The following PPP6R2 variants were observed in gnomAD, a reference collection of about 807,000 sequenced individuals.
PPP6R2 encodes the protein serine/threonine-protein phosphatase 6 regulatory subunit 2.
A neutral mutation model predicts 100.2 loss-of-function variants in PPP6R2; 62 were observed. That is an observed-to-expected ratio of 0.62 (90% CI 0.50 to 0.76). The LOEUF (loss-of-function observed/expected upper bound fraction) is 0.76. Ranked by LOEUF, PPP6R2 falls within the 30% of genes least tolerant of loss-of-function variation. PPP6R2 has a pLI of 0.00. For missense variants in PPP6R2, 1,142 were observed against 1,276.3 expected (o/e 0.89, Z 1.60); for synonymous variants, 525 against 514.7 (o/e 1.02, Z -0.27).
chr22:50,435,380 G>A (rs573865084), intron 13 of PPP6R2, among the ~76,000 whole-genome samples: 31 of 152,346 alleles, frequency 2.0e-4, no homozygotes, highest in South Asian at 4.1e-4. Flanking sequence ...CTCAGAAGCC[G>A]TTAGCGCCAC....
upstream of PPP6R2, among the ~76,000 whole-genome samples, chr22:50,339,561 GTGTGGTA>G: frequency 7.3e-6 from 1 of 136,790 alleles, no homozygotes; most frequent in South Asian, 2.5e-4. Flanking sequence ...TGTGTGGTGT[GTGTGGTA>G]TGTAGTGTGT....
At chr22:50,366,202 G>A (rs571643654) in intron 1 of PPP6R2, among the ~76,000 whole-genome samples, 5 of 152,214 alleles carry the variant, frequency 3.3e-5, no homozygotes, top group African/African-American at 1.2e-4. Flanking sequence ...CTGCCACTGA[G>A]GCAAACGTCT....
At chr22:50,443,840 A>G in intron 22 of PPP6R2, 26 bp from the exon 23 acceptor site, 2 of 1,553,278 alleles carry the variant, frequency 1.3e-6, no homozygotes, top group Non-Finnish European at 1.7e-6. Context: ...GGGTGCCCGT[A>G]ACCGGAGTCC....
Position 50,431,309 on chromosome 22 carries a change from A to T in PPP6R2, c.1262A>T (p.His421Leu). The change falls in exon 11 of 24, where the codon CAT becomes CTT. Residue 421 changes from histidine to leucine, a missense_variant. His to Leu is a moderately conservative substitution (Grantham distance 99). Around this residue, in one of 2 missense-constraint regions of PPP6R2, gnomAD observed 592 missense variants for 758.9 expected, o/e 0.78. Coordinates refer to ENST00000612753, the MANE Select transcript of PPP6R2 (RefSeq NM_001242898.2). This position sits in a 1 kb window ranked among gnomAD's most constrained non-coding sequence, Gnocchi z 4.8. ...SGSESRVEPPHENGNRSLETP... is the reference protein window; with the variant it reads ...SGSESRVEPPLENGNRSLETP... ...TCCGAGAGCAGGGTGGAGCCTCCGC[A>T]TGAGAACGGGAACCGGAGCCTGGAG... is the stretch of plus-strand genomic sequence containing the variant. 9 of 1,613,326 alleles carry T rather than the reference A, an allele frequency of 5.6e-6. No individual in the cohort carries two copies. The highest frequency in any genetic ancestry group is 7.6e-6 in the Non-Finnish European group (9 of 1,180,016).
chr22:50,348,985 A>C (rs972329751), intron 1 of PPP6R2, among the ~76,000 whole-genome samples: 3 of 151,902 alleles, frequency 2.0e-5, no homozygotes, highest in African/African-American at 7.3e-5. Flanking sequence ...TGAGGTCAGG[A>C]GTTCGAGACC....
chr22:50,422,505 G>A, intron 9 of PPP6R2, 125 bp downstream of exon 9: 4 of 1,295,396 alleles, frequency 3.1e-6, no homozygotes, highest in Non-Finnish European at 4.1e-6. Flanking sequence ...TTCTAAGACG[G>A]CCATTCCCAC....
intron 2 of PPP6R2, among the ~76,000 whole-genome samples, chr22:50,388,017 C>T (rs2054592482): frequency 6.6e-6 from 1 of 152,074 alleles, no homozygotes; most frequent in African/African-American, 2.4e-5. Flanking sequence ...AAGAACAAAA[C>T]AGTGGCTGGG....
intron 2 of PPP6R2, among the ~76,000 whole-genome samples, chr22:50,373,219 T>G (rs1461610360): frequency 6.6e-6 from 1 of 151,262 alleles, no homozygotes; most frequent in African/African-American, 2.4e-5. Flanking sequence ...CTGGATAAAT[T>G]AGAATAAATA....
At chr22:50,336,604 G>A in the PPP6R2 span, among the ~76,000 whole-genome samples, 1 of 150,880 alleles carries the variant, frequency 6.6e-6, no homozygotes, top group Non-Finnish European at 1.5e-5. Context: ...GTATTGTCCT[G>A]GCTGGTCTCA....
chr22:50,437,174 G>C (rs1603412467), intron 15 of PPP6R2, 106 bp downstream of exon 15: 1 of 1,161,742 alleles, frequency 8.6e-7, no homozygotes, highest in East Asian at 2.6e-5. Context: ...TAGCAAAGGG[G>C]AGCGGGGGCT....
chr22:50,349,744 A>G (rs28802688), intron 1 of PPP6R2, among the ~76,000 whole-genome samples: 32,970 of 149,344 alleles, frequency 0.22, 5,313 homozygotes, highest in African/African-American at 0.46. Flanking sequence ...GAACCCGGGA[A>G]GCGGAGGTTG....
chr22:50,391,779 G>C (rs1304985592), intron 2 of PPP6R2: 2 of 149,932 alleles, frequency 1.3e-5, no homozygotes, highest in Non-Finnish European at 3.0e-5. Flanking sequence ...TGGTCTTTTG[G>C]ATTAATCCAG....
intron 2 of PPP6R2, among the ~76,000 whole-genome samples, chr22:50,381,489 A>C (rs2053014621): frequency 6.6e-6 from 1 of 151,978 alleles, no homozygotes; most frequent in Admixed American, 6.6e-5. Context: ...CACGGGCCCC[A>C]CCTCAGCATG....
intron 6 of PPP6R2, among the ~76,000 whole-genome samples, chr22:50,417,777 G>A (rs1421121943): frequency 1.3e-5 from 2 of 152,224 alleles, no homozygotes; most frequent in African/African-American, 2.4e-5. Context: ...TGTGGGTGTT[G>A]TGGGCTGATG....
At chr22:50,421,465 C>G (rs537921586) in intron 8 of PPP6R2, among the ~76,000 whole-genome samples, 44 of 152,342 alleles carry the variant, frequency 2.9e-4, no homozygotes, top group African/African-American at 9.4e-4. Context: ...ACCTGTCCCC[C>G]CCAAAGTGCT....
chr22:50,399,876 G>T (rs897459773), intron 3 of PPP6R2, among the ~76,000 whole-genome samples: 2 of 152,380 alleles, frequency 1.3e-5, no homozygotes, highest in East Asian at 3.9e-4. Context: ...GGAGGCAGCA[G>T]CAGTCACATG....
intron 2 of PPP6R2, among the ~76,000 whole-genome samples, chr22:50,375,201 GT>G (rs1227613997): frequency 6.6e-6 from 1 of 152,066 alleles, no homozygotes; most frequent in Non-Finnish European, 1.5e-5. Context: ...TTCTGAGAAT[GT>G]TAGGCTAGGT....
At chr22:50,380,882 G>A (rs1220023768) in intron 2 of PPP6R2, among the ~76,000 whole-genome samples, 7 of 150,932 alleles carry the variant, frequency 4.6e-5, no homozygotes, top group Admixed American at 1.3e-4. Context: ...CCAGCTATTC[G>A]GGAGGCTGAG....
chr22:50,375,298 A>G (rs1250685967), intron 2 of PPP6R2, among the ~76,000 whole-genome samples: 2 of 152,212 alleles, frequency 1.3e-5, no homozygotes, highest in Non-Finnish European at 2.9e-5. Context: ...AGAACTGACA[A>G]AAAAGCAGGA....
Sources: gnomAD v4.1 joint callset for allele counts (sites outside exome capture counted in the v4.1 genomes callset) on GRCh38, gnomAD v4.1.1 for gene constraint, gnomAD v4.1.1 regional missense constraint, Gnocchi (gnomAD v3.1) non-coding constraint, MANE v1.5 for transcripts, NCBI Gene and HGNC (gene_info 2026-07-23, HGNC 2026-07-21) for gene names.